The following TECRL variants were observed in gnomAD, a reference collection of about 807,000 sequenced individuals.
TECRL encodes trans-2,3-enoyl-CoA reductase-like.
In TECRL, 63 loss-of-function variants were observed where a neutral mutation model predicts 52.8. The ratio of observed to expected loss-of-function variants is 1.19; its 90% confidence interval spans 0.97 to 1.47. The LOEUF is 1.47. TECRL is among the 40% of genes most tolerant of loss of function. The pLI is 0.00. For synonymous variants in TECRL, 164 were observed against 141.9 expected, an observed-to-expected ratio of 1.16 and a Z score of -1.10; for missense variants, 482 against 429.6, an observed-to-expected ratio of 1.12 and a Z score of -1.08.
intron 2 of TECRL, among the ~76,000 whole-genome samples, chr4:64,340,102 C>A (rs1719445969): frequency 6.6e-6 from 1 of 152,316 alleles, no homozygotes; most frequent in Non-Finnish European, 1.5e-5. Flanking sequence ...TCTGTAGAGG[C>A]TGTTGCCATC....
chr4:64,351,776 C>T lies in TECRL; in HGVS notation c.287-23220G>A, dbSNP rs76242243. Among the ~76,000 whole-genome samples, 1,364 of 152,118 alleles carry T rather than the reference C, an allele frequency of 9.0e-3. 20 individuals are homozygous for T. Among genetic ancestry groups the T allele is most frequent in the African/African-American group, 0.031 (1,295 of 41,502 alleles). Reference sequence around the variant, plus strand: ...CATGACAAACATTTTTAATAAAAAGCGTGGCAGTCTAATTGCATAGTAAAT... The same window carrying T: ...CATGACAAACATTTTTAATAAAAAGTGTGGCAGTCTAATTGCATAGTAAAT... On this transcript the variant is annotated intron_variant, in intron 2 of 11. Transcript: ENST00000381210.
At chr4:64,282,450 T>G (rs570032228) in intron 9 of TECRL, among the ~76,000 whole-genome samples, 2 of 152,198 alleles carry the variant, frequency 1.3e-5, no homozygotes, top group Admixed American at 1.3e-4. Flanking sequence ...TTAAAAATTA[T>G]GCTAAGTATT....
At chr4:64,319,154 T>A (rs1004725812) in intron 4 of TECRL, among the ~76,000 whole-genome samples, 1 of 151,334 alleles carries the variant, frequency 6.6e-6, no homozygotes, top group Non-Finnish European at 1.5e-5. Context: ...ATAGAAGATA[T>A]AAATACCAAA....
intron 1 of TECRL, among the ~76,000 whole-genome samples, chr4:64,380,708 C>T (rs1722730016): frequency 6.6e-6 from 1 of 152,020 alleles, no homozygotes; most frequent in Non-Finnish European, 1.5e-5. Context: ...AATCAGTTGA[C>T]TATAAATGCA....
chr4:64,400,285 G>A (rs7660439), intron 1 of TECRL, among the ~76,000 whole-genome samples: 38,056 of 152,056 alleles, frequency 0.25, 4,904 homozygotes, highest in Middle Eastern at 0.31. Context: ...TTTTGGAATG[G>A]GAGTGTTTAC....
At chr4:64,365,170 C>CA (rs1721504728) in intron 2 of TECRL, among the ~76,000 whole-genome samples, 1 of 148,028 alleles carries the variant, frequency 6.8e-6, no homozygotes, top group Non-Finnish European at 1.5e-5. Flanking sequence ...TCAATAGATG[C>CA]AAAAAGGCTT....
chr4:64,277,508 G>A (rs1560463997), downstream of TECRL, among the ~76,000 whole-genome samples: 1 of 151,746 alleles, frequency 6.6e-6, no homozygotes, highest in African/African-American at 2.4e-5. Context: ...AATTTTAATA[G>A]TATGCTTTGG....
At chr4:64,340,496 A>G (rs1247073622) in intron 2 of TECRL, among the ~76,000 whole-genome samples, 2 of 152,138 alleles carry the variant, frequency 1.3e-5, no homozygotes, top group Non-Finnish European at 2.9e-5. Flanking sequence ...TGACAGCCCT[A>G]CCGGGTTTGT....
chr4:64,381,818 G>A (rs1722813555), intron 1 of TECRL, among the ~76,000 whole-genome samples: 1 of 151,950 alleles, frequency 6.6e-6, no homozygotes, highest in Non-Finnish European at 1.5e-5. Context: ...AGATGTTTGT[G>A]TCTTTGTTCA....
At chr4:64,396,041 C>T (rs148885484) in intron 1 of TECRL, among the ~76,000 whole-genome samples, 1,584 of 152,154 alleles carry the variant, frequency 0.01, 34 homozygotes, top group African/African-American at 0.036. Flanking sequence ...CCATGGTATA[C>T]ATGTATCATG....
chr4:64,405,210 A>T (rs2109792658), intron 1 of TECRL, among the ~76,000 whole-genome samples: 1 of 152,264 alleles, frequency 6.6e-6, no homozygotes, highest in African/African-American at 2.4e-5. Context: ...AACAGTTAAG[A>T]TCTAAAGAAA....
At chr4:64,333,105 G>A (rs759088413) in intron 2 of TECRL, among the ~76,000 whole-genome samples, 1 of 151,868 alleles carries the variant, frequency 6.6e-6, no homozygotes, top group Non-Finnish European at 1.5e-5. Context: ...GAATATATAT[G>A]TAATGAAAAC....
In TECRL at chr4:64,395,441, CTA is replaced by C. The variant is rs536328520; in HGVS notation, c.234+13675_234+13676del. On this transcript the variant is annotated intron_variant, in intron 1 of 11. Coordinates refer to ENST00000381210, the MANE Select transcript of TECRL (RefSeq NM_001010874.5). The stretch of plus-strand genomic sequence containing the variant: ...ACAAAACTTTAGTGAAAAGGAACAA[CTA>C]ACACGATCACAATGTGTTATATTTA... Among the ~76,000 whole-genome samples, 581 of 152,108 alleles carry C rather than the reference CTA, an allele frequency of 3.8e-3. 1 individual carries two copies. The highest frequency in any genetic ancestry group is 6.3e-3 in the Non-Finnish European group (431 of 67,990).
intron 7 of TECRL, among the ~76,000 whole-genome samples, chr4:64,300,602 G>C (rs1178067126): frequency 6.6e-6 from 1 of 150,826 alleles, no homozygotes; most frequent in Non-Finnish European, 1.5e-5. Context: ...CTGTGGAAAA[G>C]TTGGAATATT....
intron 5 of TECRL, among the ~76,000 whole-genome samples, chr4:64,310,939 C>T (rs1034628638): frequency 5.9e-5 from 9 of 152,110 alleles, no homozygotes; most frequent in African/African-American, 2.2e-4. Context: ...AGGCTAGTCT[C>T]AAACTCCTGG....
intron 9 of TECRL, among the ~76,000 whole-genome samples, chr4:64,285,105 T>C (rs1723016735): frequency 6.6e-6 from 1 of 152,112 alleles, no homozygotes; most frequent in Non-Finnish European, 1.5e-5. Context: ...TTGGAATATA[T>C]ATACTTTGTA....
At chr4:64,318,103 A>C (rs1314777416) in intron 4 of TECRL, among the ~76,000 whole-genome samples, 2 of 152,194 alleles carry the variant, frequency 1.3e-5, no homozygotes. Flanking sequence ...TTGAAAGAAG[A>C]TAAAAATCAC....
chr4:64,311,410 A>G (rs185094177), intron 5 of TECRL, among the ~76,000 whole-genome samples: 7 of 152,314 alleles, frequency 4.6e-5, no homozygotes, highest in Admixed American at 3.9e-4. Flanking sequence ...GTCCAGATAC[A>G]AGAAGCTGCC....
chr4:64,312,849 T>C (rs1717140046), intron 5 of TECRL, among the ~76,000 whole-genome samples: 1 of 152,116 alleles, frequency 6.6e-6, no homozygotes, highest in Non-Finnish European at 1.5e-5. Flanking sequence ...GCTACGTATC[T>C]GGTATATGTT....
Sources: gnomAD v4.1 joint callset for allele counts (sites outside exome capture counted in the v4.1 genomes callset) on GRCh38, gnomAD v4.1.1 for gene constraint, MANE v1.5 for transcripts, NCBI Gene and HGNC (gene_info 2026-07-23, HGNC 2026-07-21) for gene names.